The following NVL variants were observed in gnomAD, a reference collection of about 807,000 sequenced individuals.
The protein encoded by NVL is nuclear VCP like.
Under a neutral mutation model 110.2 loss-of-function variants are expected in NVL, and 84 were observed. That is an observed-to-expected ratio of 0.76 (90% CI 0.64 to 0.91). The LOEUF (loss-of-function observed/expected upper bound fraction) is 0.91, where lower values mean the gene tolerates loss of function less well. NVL is among the 40% of genes least tolerant of loss of function. The pLI, the probability that NVL is intolerant of heterozygous loss-of-function variation, is 0.00. For synonymous variants in NVL, 354 were observed against 361.1 expected (o/e 0.98, Z 0.22); for missense variants, 882 against 1,035.9 (o/e 0.85, Z 2.04).
intron 13 of NVL, 178 bp downstream of exon 13, chr1:224,289,306 T>C: frequency 1.7e-6 from 1 of 580,312 alleles, no homozygotes; most frequent in Admixed American, 3.6e-5. Flanking sequence ...AAACTAAACA[T>C]AAAACAACTC....
Position 224,328,472 on chromosome 1 carries a change from A to AG in NVL, c.57+1598_57+1599insC, listed in dbSNP as rs1481340050. 4.6e-5 allele frequency among the ~76,000 whole-genome samples: 7 copies of AG among 151,586 alleles called. No individual in the cohort carries two copies. In the East Asian group the frequency reaches 1.4e-3, roughly 29 times the overall value. On this transcript the variant is annotated intron_variant, in intron 1 of 22. Coordinates refer to ENST00000281701, the MANE Select transcript of NVL (RefSeq NM_002533.4). Reference sequence around the variant, plus strand: ...GAGGCAGAGGTTGCAGTGAGCAGAAAAAAAAAAAAAAATTAGATGTCTCTG... The same window carrying AG: ...GAGGCAGAGGTTGCAGTGAGCAGAAAGAAAAAAAAAAAATTAGATGTCTCTG...
intron 18 of NVL, among the ~76,000 whole-genome samples, chr1:224,258,873 C>T (rs1395325656): frequency 2.0e-5 from 3 of 151,004 alleles, no homozygotes; most frequent in African/African-American, 7.3e-5. Flanking sequence ...TGGCCAGTAG[C>T]GACACATGCC....
In NVL at chr1:224,330,052, A is replaced by C; in HGVS notation, c.57+19T>G. On this transcript the variant is annotated intron_variant, in intron 1 of 22. Transcript: ENST00000281701. ...GCGATCGGGGCCCTTGGCGAGGCCA[A>C]GCGGTGCAGAATACACACCTGGATG... 1 of 1,613,528 alleles carries C rather than the reference A, an allele frequency of 6.2e-7. No homozygotes were observed. Among genetic ancestry groups the C allele is most frequent in the Non-Finnish European group, 8.5e-7 (1 of 1,179,618 alleles).
Position 224,326,462 on chromosome 1 carries a change from G to A in NVL, c.60C>T (p.Tyr20=). 6.2e-7 allele frequency: 1 copy of A among 1,604,510 alleles called. No individual in the cohort carries two copies. Reference sequence around the variant, plus strand: ...ATTTGCCACATTTGTTACTGGTAAGGTACTAAAACAGAAAATATAACAAAT... The same window carrying A: ...ATTTGCCACATTTGTTACTGGTAAGATACTAAAACAGAAAATATAACAAAT... ...DNKLKQRVIQ[Y]LTSNKCGKYV... Residue 20 remains tyrosine (Y), a splice_region_variant and synonymous_variant, in exon 2 of 23, where the codon TAC becomes TAT. Transcript: ENST00000281701.
intron 20 of NVL, among the ~76,000 whole-genome samples, chr1:224,236,172 C>A (rs1024404067): frequency 6.6e-6 from 1 of 152,112 alleles, no homozygotes; most frequent in Admixed American, 6.6e-5. Context: ...GAAAATGCAT[C>A]CTGAGGGCTG....
At chr1:224,294,911 A>AC (rs1667730539) in intron 11 of NVL, among the ~76,000 whole-genome samples, 2 of 152,254 alleles carry the variant, frequency 1.3e-5, no homozygotes, top group Admixed American at 6.5e-5. Context: ...GGTGAGCAGG[A>AC]CAACAGGGAG....
rs189800421 is a variant in NVL, at chr1:224,268,189, T to C, written c.2083-56A>G. 119 of 1,184,256 alleles carry C rather than the reference T, an allele frequency of 1.0e-4. No homozygotes were observed. In the African/African-American group the frequency reaches 1.3e-3, roughly 13 times the overall value. The allele number at this position is 1,184,256 out of a possible 1,614,324, so 73.4% of individuals were successfully genotyped here. On this transcript the variant is annotated intron_variant, in intron 17 of 22. Transcript: ENST00000281701. ...TCTCAATACAAAGGAAAAATACCCA[T>C]TTTCTTCCACATAAAAATAATACAT...
intron 5 of NVL, 123 bp from the exon 6 acceptor site, chr1:224,308,386 A>C: frequency 1.2e-6 from 1 of 849,788 alleles, no homozygotes; most frequent in African/African-American, 1.7e-5. Context: ...CAGAACATTT[A>C]TAATCAGAAT....
At chr1:224,280,924 T>C (rs1258472244) in intron 16 of NVL, among the ~76,000 whole-genome samples, 199 bp downstream of exon 16, 1 of 152,076 alleles carries the variant, frequency 6.6e-6, no homozygotes, top group African/African-American at 2.4e-5. Context: ...GGCTCAGAGG[T>C]TAACAGACTT....
At chr1:224,270,439 T>A (rs914794037) in intron 17 of NVL, among the ~76,000 whole-genome samples, 3 of 152,068 alleles carry the variant, frequency 2.0e-5, no homozygotes, top group Non-Finnish European at 4.4e-5. Flanking sequence ...GAACCTGTAA[T>A]CCCAGCTGCA....
In NVL at chr1:224,263,906, T is replaced by C. The variant is rs1346615323; in HGVS notation, c.2182+4128A>G. On this transcript the variant is annotated intron_variant, in intron 18 of 22. Coordinates refer to ENST00000281701, the MANE Select transcript of NVL (RefSeq NM_002533.4). ...GGCACATGCCTGTAATCCCAGCTACTCGGGAGGCTGAGGCAGGAGAATCAC... is the reference window on the plus strand; with the variant it reads ...GGCACATGCCTGTAATCCCAGCTACCCGGGAGGCTGAGGCAGGAGAATCAC... Among the ~76,000 whole-genome samples, 3 of 152,030 alleles carry C rather than the reference T, an allele frequency of 2.0e-5. No individual in the cohort carries two copies. The South Asian group carries it at 6.2e-4, about 32-fold the overall frequency.
At chr1:224,272,891 G>A (rs1243466637) in intron 17 of NVL, among the ~76,000 whole-genome samples, 15 of 148,866 alleles carry the variant, frequency 1.0e-4, no homozygotes, top group South Asian at 4.3e-4. Flanking sequence ...AAAATTAGCC[G>A]GGCGTAGTGG....
rs149758921 is a variant in NVL, at chr1:224,264,449, T to C, written c.2182+3585A>G. Among the ~76,000 whole-genome samples the C allele has an allele frequency of 1.6e-4, 25 of 152,170 alleles. No individual in the cohort carries two copies. The East Asian group carries it at 4.7e-3, about 28-fold the overall frequency. ...TATTAGTAGAGATGGAGCTTCACCA[T>C]GTTGAGCAGGCTGGTCTTGAACTCT... is the stretch of plus-strand genomic sequence containing the variant. On this transcript the variant is annotated intron_variant, in intron 18 of 22. Coordinates refer to ENST00000281701, the MANE Select transcript of NVL (RefSeq NM_002533.4).
chr1:224,269,084 CT>C (rs34790130), intron 17 of NVL, among the ~76,000 whole-genome samples: 86,411 of 97,952 alleles, frequency 0.88, 38,007 homozygotes, highest in Middle Eastern at 0.96. Flanking sequence ...GTGAGACTAA[CT>C]TTTTTTTTTT....
At chr1:224,290,977 TA>T (rs1381058437) in intron 12 of NVL, among the ~76,000 whole-genome samples, 5 of 151,656 alleles carry the variant, frequency 3.3e-5, no homozygotes, top group Non-Finnish European at 5.9e-5. Flanking sequence ...TCGAATAATT[TA>T]AAAAAAAGAT....
chr1:224,249,924 A>G (rs903458602), intron 19 of NVL, among the ~76,000 whole-genome samples: 15 of 152,186 alleles, frequency 9.9e-5, no homozygotes, highest in African/African-American at 2.9e-4. Flanking sequence ...TTGTAGAGAC[A>G]GAGTCTCAGT....
chr1:224,251,271 C>CAAAAAA (rs35538758), intron 18 of NVL, among the ~76,000 whole-genome samples: 2 of 62,170 alleles, frequency 3.2e-5, no homozygotes, highest in Admixed American at 2.1e-4. Flanking sequence ...GATACTGTCT[C>CAAAAAA]AAAAAAAAAA....
At chr1:224,246,734 C>A (rs1661861903) in intron 19 of NVL, among the ~76,000 whole-genome samples, 1 of 152,078 alleles carries the variant, frequency 6.6e-6, no homozygotes, top group African/African-American at 2.4e-5. Flanking sequence ...GACCATAGTT[C>A]CTAATGACAG....
Position 224,281,284 on chromosome 1 carries a change from C to CAT in NVL, c.1900-100_1900-99insAT. The CAT allele has an allele frequency of 2.0e-5, 11 of 552,222 alleles. No individual in the cohort carries two copies. The East Asian group carries it at 2.3e-4, about 12-fold the overall frequency. 34.2% of individuals were successfully genotyped at this position (552,222 alleles called of 1,614,324 possible). ...TGTGACAATGAAAGGACTCTGTGTG[C>CAT]GTGTGTGTGTGTGTGTGTGTGTGTG... On this transcript the variant is annotated intron_variant, in intron 15 of 22. Coordinates refer to ENST00000281701, the MANE Select transcript of NVL (RefSeq NM_002533.4).
Sources: allele counts gnomAD v4.1 joint callset (sites outside exome capture counted in the v4.1 genomes callset), GRCh38; gene constraint gnomAD v4.1.1; transcripts MANE v1.5; gene names NCBI Gene and HGNC (gene_info 2026-07-23, HGNC 2026-07-21).